Variants in GTPBP6 observed in about 807,000 individuals in gnomAD.
GTPBP6 encodes the protein GTP binding protein 6.
Under a neutral mutation model 28.9 loss-of-function variants are expected in GTPBP6, and 33 were observed. That is an observed-to-expected ratio of 1.14 (90% confidence interval 0.87 to 1.53). The LOEUF (loss-of-function observed/expected upper bound fraction) is 1.53. Ranked by LOEUF, GTPBP6 falls within the 40% of genes most tolerant of loss-of-function variation. The probability of loss-of-function intolerance (pLI) is 0.00; values close to 1 mark genes in which losing one functional copy is unlikely to be tolerated. For missense variants in GTPBP6, 507 were observed against 408.3 expected (o/e 1.24, Z -2.08); for synonymous variants, 231 against 192.7 (o/e 1.20, Z -1.65).
intron 7 of GTPBP6, among the ~76,000 whole-genome samples, chrX:308,858 CT>C (rs2070227440): frequency 6.7e-6 from 1 of 150,008 alleles, no homozygotes; most frequent in African/African-American, 2.5e-5. Context: ...CTCAGCCTCT[CT>C]TGAGTAGCTG....
At chrX:314,037 G>A (rs2070373613) in intron 5 of GTPBP6, 113 bp downstream of exon 5, 1 of 841,740 alleles carries the variant, frequency 1.2e-6, no homozygotes, top group Non-Finnish European at 2.0e-6. Context: ...CCAGGAGACG[G>A]AGACCCCAGC....
At chrX:305,072 G>T (rs745640563) in exon 10 of GTPBP6, 4 of 1,612,558 alleles carry the variant, frequency 2.5e-6, no homozygotes, top group South Asian at 2.2e-5. Flanking sequence ...GTGGGCGTCC[G>T]TTCATCCTGG....
chrX:318,511 C>T, exon 1 of GTPBP6: 1 of 398,588 alleles, frequency 2.5e-6, no homozygotes, highest in Non-Finnish European at 4.4e-6. Flanking sequence ...TGGGTCCCCG[C>T]CGGCAGCAGA....
At chrX:307,769 T>C in exon 8 of GTPBP6, 1 of 1,527,122 alleles carries the variant, frequency 6.5e-7, no homozygotes. Context: ...ACCTCCACCA[T>C]GGAGTCCAGG....
chrX:315,626 C>G (rs1293281183), intron 2 of GTPBP6, among the ~76,000 whole-genome samples: 20 of 19,236 alleles, frequency 1.0e-3, no homozygotes, highest in African/African-American at 1.9e-3. Flanking sequence ...GACACACAGA[C>G]AGACACACAG....
intron 6 of GTPBP6, chrX:312,179 A>T (rs1348483746): frequency 4.9e-6 from 2 of 412,140 alleles, no homozygotes; most frequent in African/African-American, 5.0e-5. Flanking sequence ...CGAAGGGGAC[A>T]TTGTGGTGTA....
intron 6 of GTPBP6, chrX:312,336 C>G: frequency 2.1e-6 from 1 of 468,572 alleles, no homozygotes; most frequent in South Asian, 1.6e-5. Flanking sequence ...GGTAGTGGTG[C>G]TGGTGTAGAC....
At chrX:318,182 G>A (rs1488666110) in intron 1 of GTPBP6, among the ~76,000 whole-genome samples, 104 of 148,056 alleles carry the variant, frequency 7.0e-4, no homozygotes, top group Middle Eastern at 7.8e-3. Flanking sequence ...CCAGAGCCCC[G>A]CCCTTGCATC....
At chrX:313,426 C>T (rs1448171465) in intron 5 of GTPBP6, among the ~76,000 whole-genome samples, 1 of 152,080 alleles carries the variant, frequency 6.6e-6, no homozygotes, top group Non-Finnish European at 1.5e-5. Flanking sequence ...ACGCCTGGAG[C>T]CCCCAGGAGC....
chrX:316,126 G>GACACACAC (rs1233728366), intron 2 of GTPBP6, among the ~76,000 whole-genome samples: 1 of 32,180 alleles, frequency 3.1e-5, no homozygotes, highest in African/African-American at 2.0e-4. Flanking sequence ...TACACACGCA[G>GACACACAC]ACACACACAC....
At chrX:305,324 G>GT (rs375287376) in intron 9 of GTPBP6, 127 bp from the exon 10 acceptor site, 153,940 of 566,350 alleles carry the variant, frequency 0.27, 1,112 homozygotes, top group South Asian at 0.31. Context: ...GTTTCCTTTT[G>GT]TTTTTTTTTT....
At chrX:305,470 T>C (rs28740470) in intron 9 of GTPBP6, among the ~76,000 whole-genome samples, 63,347 of 149,098 alleles carry the variant, frequency 0.42, 13,931 homozygotes, top group South Asian at 0.57. Flanking sequence ...TACAGGTGCA[T>C]GCCACCACAC....
chrX:307,109 T>C, intron 9 of GTPBP6, among the ~76,000 whole-genome samples: 1 of 151,730 alleles, frequency 6.6e-6, no homozygotes, highest in South Asian at 2.1e-4. Context: ...ACATTTTGAC[T>C]GTCAGCACAG....
At position 311,600 on chromosome X, in the gene GTPBP6, G is replaced by A. The variant is rs188588834; in HGVS notation, c.944C>T (p.Thr315Met). The stretch of plus-strand genomic sequence containing the variant: ...CCGTGGCTGGATGGCGGCATCGCCC[G>A]TCAGTGCCTTGATCAGCGTGGTCTT... Residue 315 changes from threonine to methionine, a missense_variant, in exon 7 of 10, where the codon ACG (threonine) becomes ATG (methionine). Coordinates refer to ENST00000326153, the Ensembl canonical transcript of GTPBP6. 1.2e-4 allele frequency: 191 copies of A among 1,612,112 alleles called. 1 individual carries two copies. The highest frequency in any genetic ancestry group is 1.2e-3 in the African/African-American group (88 of 75,004).
At chrX:315,100 T>C (rs2070405017) in intron 3 of GTPBP6, 80 bp from the exon 4 acceptor site, 1 of 398,572 alleles carries the variant, frequency 2.5e-6, no homozygotes, top group Admixed American at 4.4e-5. Context: ...GGAGGACGTC[T>C]CTAATGCCTT....
chrX:315,107 C>T (rs1445657906), intron 3 of GTPBP6, 87 bp from the exon 4 acceptor site: 10 of 398,588 alleles, frequency 2.5e-5, no homozygotes, highest in Non-Finnish European at 4.4e-5. Context: ...GTCTCTAATG[C>T]CTTAACCCCA....
At chrX:311,426 G>A (rs1006765631) in exon 7 of GTPBP6, 1 of 1,348,078 alleles carries the variant, frequency 7.4e-7, no homozygotes, top group Non-Finnish European at 9.6e-7. Flanking sequence ...CACCGAGTGG[G>A]CCACGTCTTC....
intron 7 of GTPBP6, among the ~76,000 whole-genome samples, chrX:310,903 C>T (rs192668972): frequency 1.7e-4 from 26 of 150,370 alleles, no homozygotes; most frequent in Middle Eastern, 3.4e-3. Flanking sequence ...GTGCTGTGTC[C>T]GCCACTGCCC....
intron 9 of GTPBP6, among the ~76,000 whole-genome samples, chrX:306,035 GT>G (rs1224769387): frequency 6.6e-6 from 1 of 152,190 alleles, no homozygotes; most frequent in Admixed American, 6.6e-5. Flanking sequence ...AAGTCTTGGG[GT>G]TACAGGCCTG....
Sources: allele counts gnomAD v4.1 joint callset (sites outside exome capture counted in the v4.1 genomes callset), GRCh38; gene constraint gnomAD v4.1.1; transcripts MANE v1.5; gene names NCBI Gene and HGNC (gene_info 2026-07-23, HGNC 2026-07-21).